NLN: variants seen among roughly 807,000 people sequenced by gnomAD.
The protein encoded by NLN is neurolysin, mitochondrial.
In NLN, 64 loss-of-function variants were observed where a neutral mutation model predicts 79.9. That is an observed-to-expected ratio of 0.80 (90% CI 0.65 to 0.99). The LOEUF is 0.99. NLN is among the 50% of genes least tolerant of loss of function. The pLI, the probability that NLN is intolerant of heterozygous loss-of-function variation, is 0.00. For missense variants in NLN, 835 were observed against 858.7 expected (o/e 0.97, Z 0.34); for synonymous variants, 267 against 296.6 (o/e 0.90, Z 1.02).
intron 1 of NLN, among the ~76,000 whole-genome samples, chr5:65,746,921 G>A (rs1463363110): frequency 6.6e-6 from 1 of 151,710 alleles, no homozygotes; most frequent in Non-Finnish European, 1.5e-5. Flanking sequence ...GGAGAATGGC[G>A]TGAACCCAAG....
intron 1 of NLN, among the ~76,000 whole-genome samples, chr5:65,743,132 T>C (rs911304646): frequency 1.1e-4 from 16 of 152,190 alleles, no homozygotes; most frequent in Non-Finnish European, 2.4e-4. Context: ...CTCTCCTGAC[T>C]TGGGGAAGCA....
intron 1 of NLN, among the ~76,000 whole-genome samples, chr5:65,756,703 A>G (rs1759228112): frequency 6.6e-6 from 1 of 152,010 alleles, no homozygotes; most frequent in Non-Finnish European, 1.5e-5. Flanking sequence ...ATGTTTCACT[A>G]TTTTGCCCAG....
At chr5:65,773,171 G>T (rs1412925785) in intron 3 of NLN, among the ~76,000 whole-genome samples, 2 of 112,990 alleles carry the variant, frequency 1.8e-5, no homozygotes, top group East Asian at 5.5e-4. Flanking sequence ...TCACTCTGTT[G>T]CCCAGGCTGG....
chr5:65,768,221 A>G (rs1477162477), intron 3 of NLN, among the ~76,000 whole-genome samples: 4 of 152,138 alleles, frequency 2.6e-5, no homozygotes, highest in African/African-American at 9.7e-5. Flanking sequence ...TATAAAGAAT[A>G]CCTGAGACTA....
Position 65,822,777 on chromosome 5 carries a change from T to C in NLN, c.1981-4T>C. ...TTATTAGGTATGATGTTTTATTTTA[T>C]TAGGTTGGAATGAAATACAGAAACC... On this transcript the variant is annotated splice_region_variant and splice_polypyrimidine_tract_variant and intron_variant, in intron 12 of 12. Transcript: ENST00000380985. 6.2e-7 allele frequency: 1 copy of C among 1,607,584 alleles called. No individual in the cohort carries two copies. The highest frequency in any genetic ancestry group is 8.5e-7 in the Non-Finnish European group (1 of 1,174,042).
At chr5:65,743,794 C>A (rs1038111248) in intron 1 of NLN, among the ~76,000 whole-genome samples, 4 of 152,120 alleles carry the variant, frequency 2.6e-5, no homozygotes, top group African/African-American at 9.7e-5. Context: ...ATTTTTGTTT[C>A]CTTCATTGGT....
rs1166817967 is a variant in NLN at position 65,826,378 on chromosome 5, T to C, written c.*3463T>C. On this transcript the variant is annotated 3_prime_UTR_variant, in exon 13 of 13. Coordinates refer to ENST00000380985, the MANE Select transcript of NLN (RefSeq NM_020726.5). ...GCTGTTACGGCTTCAATGTAGGGGA[T>C]GGGGCACAAACATTCAGTCCATAAC... 4.6e-5 allele frequency: 7 copies of C among 152,170 alleles called. No individual in the cohort carries two copies. In the East Asian group the frequency reaches 1.2e-3, roughly 25 times the overall value. The allele number at this position is 152,170 out of a possible 1,614,324, so 9.4% of individuals were successfully genotyped here.
rs754276078 is a variant in NLN at position 65,758,530 on chromosome 5, A to G, written c.42-37A>G. 2.0e-6 allele frequency: 3 copies of G among 1,500,288 alleles called. No homozygotes were observed. The South Asian group carries it at 3.5e-5, about 18-fold the overall frequency. The allele number at this position is 1,500,288 out of a possible 1,614,324, so 92.9% of individuals were successfully genotyped here. ...CATATGTTGACTTTGGACCAACAGA[A>G]ATCCCTAATTCTTATTCTTTTTCTG... On this transcript the variant is annotated intron_variant, in intron 1 of 12. Coordinates refer to ENST00000380985, the MANE Select transcript of NLN (RefSeq NM_020726.5).
rs756325519 is a variant in NLN at position 65,792,472 on chromosome 5, T to G, written c.1344T>G (p.His448Gln). 2.5e-6 allele frequency: 4 copies of G among 1,613,870 alleles called. No individual in the cohort carries two copies. The South Asian group carries it at 4.4e-5, about 18-fold the overall frequency. Residue 448 changes from histidine (H) to glutamine (Q), a missense_variant, in exon 9 of 13, where the codon CAT becomes CAG. Coordinates refer to ENST00000380985, the MANE Select transcript of NLN (RefSeq NM_020726.5). ...CTCCTAGGGAAGGAAAATACAATCA[T>G]GCGGCCTGCTTCGGTCTCCAGCCTG... Reference protein sequence around the residue: ...DLYPREGKYNHAACFGLQPGC... With the variant: ...DLYPREGKYNQAACFGLQPGC...
At chr5:65,740,204 G>A (rs767619049) in intron 1 of NLN, among the ~76,000 whole-genome samples, 11 of 152,168 alleles carry the variant, frequency 7.2e-5, no homozygotes, top group Non-Finnish European at 1.5e-4. Flanking sequence ...GCTGGGAAGT[G>A]CAAGGTCGAG....
At chr5:65,736,766 G>A (rs1758736564) in intron 1 of NLN, among the ~76,000 whole-genome samples, 1 of 152,086 alleles carries the variant, frequency 6.6e-6, no homozygotes, top group South Asian at 2.1e-4. Flanking sequence ...ACACTCTACA[G>A]TATTTATACA....
chr5:65,737,338 G>T (rs1365096908), intron 1 of NLN, among the ~76,000 whole-genome samples: 1 of 151,938 alleles, frequency 6.6e-6, no homozygotes, highest in Non-Finnish European at 1.5e-5. Context: ...ACTTTCTGAG[G>T]GTGAAGTTAC....
At chr5:65,783,159 AGGAGTTAAT>A (rs1759835250) in intron 6 of NLN, among the ~76,000 whole-genome samples, 1 of 152,186 alleles carries the variant, frequency 6.6e-6, no homozygotes, top group African/African-American at 2.4e-5. Context: ...GGGAAGACTG[AGGAGTTAAT>A]GGTTACAGAG....
intron 1 of NLN, among the ~76,000 whole-genome samples, chr5:65,752,274 A>G (rs1308361803): frequency 6.6e-6 from 1 of 152,130 alleles, no homozygotes; most frequent in Non-Finnish European, 1.5e-5. Context: ...TGTTTTGAAA[A>G]GTGCTTTGAA....
At position 65,825,667 on chromosome 5, in the gene NLN, G is replaced by A. The variant is rs754947456; in HGVS notation, c.*2752G>A. The stretch of plus-strand genomic sequence containing the variant: ...CTTTCTAAAGCTAATAAGGTGAGAG[G>A]TGGATATCTGTAGCTCTTCGGATGA... On this transcript the variant is annotated 3_prime_UTR_variant, in exon 13 of 13. Transcript: ENST00000380985. The A allele has an allele frequency of 6.6e-6, 1 of 152,164 alleles. No homozygotes were observed. The highest frequency in any genetic ancestry group is 1.5e-5 in the Non-Finnish European group (1 of 68,032). The allele number at this position is 152,164 out of a possible 1,614,324, so 9.4% of individuals were successfully genotyped here. A position where few individuals can be genotyped will look rare whatever the true frequency, so the allele number is the denominator to read the frequency against.
intron 3 of NLN, among the ~76,000 whole-genome samples, chr5:65,775,134 A>G (rs1257158743): frequency 1.3e-5 from 2 of 152,190 alleles, no homozygotes; most frequent in Non-Finnish European, 2.9e-5. Context: ...TTTAACTTTA[A>G]CATAGACTAT....
intron 1 of NLN, among the ~76,000 whole-genome samples, chr5:65,741,638 T>G (rs1758871302): frequency 6.6e-6 from 1 of 152,174 alleles, no homozygotes. Context: ...AAACACCAAT[T>G]AAGTGTGCCA....
At position 65,734,324 on chromosome 5, in the gene NLN, G is replaced by A. The variant is rs1451703911; in HGVS notation, c.41+11910G>A. On this transcript the variant is annotated intron_variant, in intron 1 of 12. Transcript: ENST00000380985. ...CAGGTGCATCTTAAAGGAAGCACAC[G>A]GTCATGTGTTTCAGGCACGTGCTGA... is the stretch of plus-strand genomic sequence containing the variant. 4.3e-5 allele frequency among the ~76,000 whole-genome samples: 6 copies of A among 137,980 alleles called. 1 individual carries two copies. Among genetic ancestry groups the A allele is most frequent in the South Asian group, 4.5e-4 (2 of 4,474 alleles). 90.5% of individuals were successfully genotyped at this position (137,980 alleles called of 152,430 possible). A position where few individuals can be genotyped will look rare whatever the true frequency, so the allele number is the denominator to read the frequency against.
chr5:65,779,398 AT>A (rs1759750445), intron 4 of NLN, among the ~76,000 whole-genome samples: 2 of 151,676 alleles, frequency 1.3e-5, no homozygotes, highest in South Asian at 4.2e-4. Context: ...TTATTGCTTC[AT>A]TTGATCTCCC....
Sources: allele counts gnomAD v4.1 joint callset (sites outside exome capture counted in the v4.1 genomes callset), GRCh38; gene constraint gnomAD v4.1.1; transcripts MANE v1.5; gene names NCBI Gene and HGNC (gene_info 2026-07-23, HGNC 2026-07-21).